The following SLC2A9 variants were observed in gnomAD, a reference collection of about 807,000 sequenced individuals.
The protein encoded by SLC2A9 is solute carrier family 2 member 9.
Under a neutral mutation model 50.6 loss-of-function variants are expected in SLC2A9, and 39 were observed. That is an observed-to-expected ratio of 0.77 (90% confidence interval 0.60 to 1.01). SLC2A9 has a LOEUF of 1.01. Among genes scored for constraint, SLC2A9 ranks in the 50% least tolerant of loss-of-function variants. The probability of loss-of-function intolerance (pLI) is 0.00; values close to 1 mark genes in which losing one functional copy is unlikely to be tolerated. For synonymous variants in SLC2A9, 324 were observed against 276.9 expected (o/e 1.17, Z -1.69); for missense variants, 686 against 677.6 (o/e 1.01, Z -0.14).
intron 3 of SLC2A9, among the ~76,000 whole-genome samples, chr4:9,784,307 T>A (rs73092411): frequency 6.6e-6 from 1 of 152,192 alleles, no homozygotes; most frequent in Non-Finnish European, 1.5e-5. Context: ...TGGAATCTTT[T>A]TTGAAGTAAC....
intron 7 of SLC2A9, among the ~76,000 whole-genome samples, chr4:9,912,161 G>A (rs1741953842): frequency 2.0e-5 from 3 of 152,142 alleles, no homozygotes; most frequent in African/African-American, 7.2e-5. Context: ...GAGCGGGGAG[G>A]GAGAGCATTA....
intron 6 of SLC2A9, among the ~76,000 whole-genome samples, chr4:9,936,887 A>C (rs921711427): frequency 2.6e-5 from 4 of 152,180 alleles, no homozygotes. Flanking sequence ...GAAGGTACTG[A>C]ATTTCAAGTT....
At chr4:9,964,022 A>T (rs1283823064) in intron 5 of SLC2A9, among the ~76,000 whole-genome samples, 1 of 152,196 alleles carries the variant, frequency 6.6e-6, no homozygotes, top group East Asian at 1.9e-4. Flanking sequence ...GAGCCAGGTC[A>T]TACGGACCTG....
At chr4:9,936,693 C>T (rs1004780048) in intron 6 of SLC2A9, among the ~76,000 whole-genome samples, 2 of 152,024 alleles carry the variant, frequency 1.3e-5, no homozygotes, top group Non-Finnish European at 2.9e-5. Context: ...GAGGAGAAAT[C>T]GGGGCTCCAG....
chr4:9,824,470 A>G (rs1724846362), downstream of SLC2A9, among the ~76,000 whole-genome samples: 1 of 152,092 alleles, frequency 6.6e-6, no homozygotes, highest in Admixed American at 6.5e-5. Flanking sequence ...AGTGTTCCCC[A>G]TTCTATTTCT....
At chr4:9,805,295 C>A (rs935190882) in intron 3 of SLC2A9, among the ~76,000 whole-genome samples, 5 of 152,234 alleles carry the variant, frequency 3.3e-5, no homozygotes, top group Non-Finnish European at 5.9e-5. Flanking sequence ...CACAGAAAGG[C>A]GCTGAGCCAT....
At chr4:9,852,544 G>A (rs996851680) in intron 10 of SLC2A9, among the ~76,000 whole-genome samples, 43 of 152,248 alleles carry the variant, frequency 2.8e-4, no homozygotes, top group African/African-American at 7.5e-4. Flanking sequence ...GAGCCACCGC[G>A]CCCGGCCTCC....
chr4:9,875,779 C>T (rs1560222772), intron 10 of SLC2A9, among the ~76,000 whole-genome samples: 1 of 152,210 alleles, frequency 6.6e-6, no homozygotes, highest in East Asian at 1.9e-4. Flanking sequence ...TACTTGGAAA[C>T]TGAACTCCAA....
chr4:10,024,197 C>A (rs1257398595), upstream of SLC2A9, among the ~76,000 whole-genome samples: 2 of 151,426 alleles, frequency 1.3e-5, no homozygotes, highest in African/African-American at 2.4e-5. Context: ...CCCCTCTGCA[C>A]GTGTGCTGCT....
At chr4:9,893,577 G>C (rs1737948498) in intron 8 of SLC2A9, among the ~76,000 whole-genome samples, 1 of 150,512 alleles carries the variant, frequency 6.6e-6, no homozygotes, top group Non-Finnish European at 1.5e-5. Context: ...AATGAGGGAG[G>C]GAGGGAGGGA....
downstream of SLC2A9, among the ~76,000 whole-genome samples, chr4:9,797,459 C>T (rs2108907939): frequency 6.6e-6 from 1 of 152,298 alleles, no homozygotes; most frequent in South Asian, 2.1e-4. Flanking sequence ...GAGATGCAGA[C>T]TGACCAAAAC....
At chr4:9,992,196 T>A (rs1757827177) in intron 3 of SLC2A9, among the ~76,000 whole-genome samples, 1 of 152,090 alleles carries the variant, frequency 6.6e-6, no homozygotes, top group African/African-American at 2.4e-5. Context: ...CACCTAACCA[T>A]GGCTTCAGGA....
At chr4:9,897,384 A>G (rs909266281) in intron 8 of SLC2A9, among the ~76,000 whole-genome samples, 2 of 152,112 alleles carry the variant, frequency 1.3e-5, no homozygotes, top group Non-Finnish European at 2.9e-5. Flanking sequence ...CATTCTCTCA[A>G]AAAAGGAAAT....
In SLC2A9 at chr4:9,826,319, A is replaced by C; in HGVS notation, c.*78T>G. 2.1e-6 allele frequency: 3 copies of C among 1,455,660 alleles called. No homozygotes were observed. Among genetic ancestry groups the C allele is most frequent in the Non-Finnish European group, 2.9e-6 (3 of 1,036,688 alleles). 90.2% of individuals were successfully genotyped at this position (1,455,660 alleles called of 1,614,324 possible). On this transcript the variant is annotated 3_prime_UTR_variant, in exon 12 of 12. Transcript: ENST00000264784. ...GCTTCCCAATAATGGGTAAATTTTA[A>C]GTTTCCTGAAAAGTGAGATCATCCA...
At chr4:9,963,701 T>G (rs1028063036) in intron 5 of SLC2A9, among the ~76,000 whole-genome samples, 1 of 151,116 alleles carries the variant, frequency 6.6e-6, no homozygotes, top group Non-Finnish European at 1.5e-5. Flanking sequence ...AAAAAGGAGG[T>G]TGGGAGGAAG....
intron 2 of SLC2A9, among the ~76,000 whole-genome samples, chr4:10,016,529 C>A (rs6827754): frequency 0.55 from 83,231 of 151,700 alleles, 23,742 homozygotes; most frequent in East Asian, 0.89. Context: ...ATCTTAAGAA[C>A]GGTAAAGGCC....
intron 6 of SLC2A9, among the ~76,000 whole-genome samples, chr4:9,940,329 G>A (rs373265146): frequency 5.9e-5 from 9 of 152,168 alleles, no homozygotes; most frequent in Admixed American, 5.9e-4. Flanking sequence ...GAAGTCACCC[G>A]GTACAATAGC....
At chr4:9,800,450 T>C (rs1721243237) in intron 3 of SLC2A9, among the ~76,000 whole-genome samples, 1 of 152,204 alleles carries the variant, frequency 6.6e-6, no homozygotes, top group African/African-American at 2.4e-5. Flanking sequence ...TAGAAGATGA[T>C]GTGAAGCCAC....
chr4:10,000,965 T>A (rs554912891), intron 2 of SLC2A9, among the ~76,000 whole-genome samples: 3 of 152,316 alleles, frequency 2.0e-5, no homozygotes, highest in African/African-American at 4.8e-5. Context: ...TTGAATTGTA[T>A]CTAACCTCAC....
Sources: allele counts gnomAD v4.1 joint callset (sites outside exome capture counted in the v4.1 genomes callset), GRCh38; gene constraint gnomAD v4.1.1; transcripts MANE v1.5; gene names NCBI Gene and HGNC (gene_info 2026-07-23, HGNC 2026-07-21).